The following MAP3K4 variants were observed in gnomAD, a reference collection of about 807,000 sequenced individuals.
The protein encoded by MAP3K4 is MAP three kinase 1.
Under a neutral mutation model 185.6 loss-of-function variants are expected in MAP3K4, and 67 were observed. The observed-to-expected ratio is 0.36, with a 90% CI of 0.30 to 0.44. The LOEUF (loss-of-function observed/expected upper bound fraction) is 0.44, where lower values mean the gene tolerates loss of function less well. MAP3K4 is among the 20% of genes least tolerant of loss of function. The pLI is 1.00. For missense variants in MAP3K4, 1,551 were observed against 1,995.1 expected (o/e 0.78, Z 4.24); for synonymous variants, 702 against 710.4 (o/e 0.99, Z 0.19).
In MAP3K4 at chr6:161,109,294, C is replaced by T. The variant is rs558212868; in HGVS notation, c.4236+435C>T. Among the ~76,000 whole-genome samples the T allele has an allele frequency of 6.6e-6, 1 of 152,036 alleles. No individual in the cohort carries two copies. Among genetic ancestry groups the T allele is most frequent in the South Asian group, 2.1e-4 (1 of 4,810 alleles). ...TCCTCCTTGTGTTTAGAAATAAACA[C>T]GTCGAGGGAAAGAGGATAACTTGGA... On this transcript the variant is annotated intron_variant, in intron 22 of 26. Coordinates refer to ENST00000392142, the MANE Select transcript of MAP3K4 (RefSeq NM_005922.4). This position sits in a 1 kb window ranked among gnomAD's most constrained non-coding sequence, Gnocchi z 5.7.
At chr6:161,040,322 G>A (rs1332595750) in intron 2 of MAP3K4, among the ~76,000 whole-genome samples, 1 of 152,140 alleles carries the variant, frequency 6.6e-6, no homozygotes, top group Non-Finnish European at 1.5e-5. Flanking sequence ...CATGGTGTGT[G>A]TGCAACCTAC....
At chr6:161,090,391 G>C (rs970336797) in intron 11 of MAP3K4, among the ~76,000 whole-genome samples, 1 of 152,024 alleles carries the variant, frequency 6.6e-6, no homozygotes, top group Non-Finnish European at 1.5e-5. Flanking sequence ...CTTGGATGTG[G>C]ACGTTTGGGC....
At position 161,108,086 on chromosome 6, in the gene MAP3K4, A is replaced by G; in HGVS notation, c.4119+117A>G. On this transcript the variant is annotated intron_variant, in intron 21 of 26. Coordinates refer to ENST00000392142, the MANE Select transcript of MAP3K4 (RefSeq NM_005922.4). This position sits in a 1 kb window ranked among gnomAD's most constrained non-coding sequence, Gnocchi z 5.7. ...GCGTAGAGCTGTCTTCAGCACCAGC[A>G]CTGCGACAGTCAGGACCAACCAGGC... 1.2e-6 allele frequency: 1 copy of G among 856,870 alleles called. No individual in the cohort carries two copies. The highest frequency in any genetic ancestry group is 1.8e-6 in the Non-Finnish European group (1 of 550,800). 53.1% of individuals were successfully genotyped at this position (856,870 alleles called of 1,614,324 possible). A position where few individuals can be genotyped will look rare whatever the true frequency, so the allele number is the denominator to read the frequency against.
rs183901984 is a variant in MAP3K4 at position 161,115,034 on chromosome 6, T to A, written c.4627-89T>A. On this transcript the variant is annotated intron_variant, in intron 25 of 26. Transcript: ENST00000392142. This position sits in a 1 kb window ranked among gnomAD's most constrained non-coding sequence, Gnocchi z 6.0. The stretch of plus-strand genomic sequence containing the variant: ...TTTGCTGTCCCCTGATATATATTAA[T>A]GATGAGATGCTTAAAAACAGACTGA... 3.3e-3 allele frequency: 3,953 copies of A among 1,200,224 alleles called. 18 individuals are homozygous for A. The highest frequency in any genetic ancestry group is 3.9e-3 in the Non-Finnish European group (3,260 of 844,018). 74.3% of individuals were successfully genotyped at this position (1,200,224 alleles called of 1,614,324 possible). A position where few individuals can be genotyped will look rare whatever the true frequency, so the allele number is the denominator to read the frequency against.
rs547506576 is a variant in MAP3K4 at position 161,021,754 on chromosome 6, T to A, written c.153-12505T>A. ...AGGAACAGTAATGTGTTTTTTCCTC[T>A]ACTCCTAGCACACCTCTTGTCTGGT... On this transcript the variant is annotated intron_variant, in intron 1 of 26. Transcript: ENST00000392142. Among the ~76,000 whole-genome samples, 486 of 152,374 alleles carry A rather than the reference T, an allele frequency of 3.2e-3. 4 individuals carry two copies. The highest frequency in any genetic ancestry group is 0.011 in the African/African-American group (466 of 41,590).
intron 3 of MAP3K4, among the ~76,000 whole-genome samples, chr6:161,069,790 A>G (rs1784857320): frequency 6.6e-6 from 1 of 151,968 alleles, no homozygotes; most frequent in African/African-American, 2.4e-5. Flanking sequence ...CTGGTGAGGA[A>G]TGATGGGGAG....
At chr6:161,000,459 G>T (rs1316470655) in intron 1 of MAP3K4, among the ~76,000 whole-genome samples, 1 of 152,208 alleles carries the variant, frequency 6.6e-6, no homozygotes, top group Admixed American at 6.5e-5. Context: ...GAGTAAGAAT[G>T]TATCTATGCT....
At chr6:160,998,411 A>C (rs151071881) in intron 1 of MAP3K4, among the ~76,000 whole-genome samples, 39 of 152,376 alleles carry the variant, frequency 2.6e-4, no homozygotes, top group Non-Finnish European at 5.0e-4. Context: ...AAAGCTAATC[A>C]GAGAGCCTAA....
chr6:161,003,107 T>A (rs1781405097), intron 1 of MAP3K4, among the ~76,000 whole-genome samples: 1 of 152,208 alleles, frequency 6.6e-6, no homozygotes. Flanking sequence ...TTTTGTGAAT[T>A]TTTCACTATT....
chr6:161,060,915 C>T (rs147720593), intron 3 of MAP3K4, among the ~76,000 whole-genome samples: 7 of 152,280 alleles, frequency 4.6e-5, no homozygotes, highest in Admixed American at 1.3e-4. Flanking sequence ...CCACCGCGCC[C>T]GGCCACTGAG....
At chr6:161,079,554 G>C (rs979353529) in intron 5 of MAP3K4, among the ~76,000 whole-genome samples, 1 of 152,204 alleles carries the variant, frequency 6.6e-6, no homozygotes, top group African/African-American at 2.4e-5. Flanking sequence ...TCCAGCCTGG[G>C]CAGCAAGAGG....
At chr6:160,995,906 T>C (rs570999045) in intron 1 of MAP3K4, among the ~76,000 whole-genome samples, 1 of 152,370 alleles carries the variant, frequency 6.6e-6, no homozygotes, top group East Asian at 1.9e-4. Context: ...ATAGCCTCAT[T>C]GTTCTCATTG....
rs572869329 is a variant in MAP3K4 at position 161,044,170 on chromosome 6, AC to A, written c.344-4445del. 5.5e-4 allele frequency among the ~76,000 whole-genome samples: 84 copies of A among 152,334 alleles called. No individual in the cohort carries two copies. The South Asian group carries it at 0.017, about 31-fold the overall frequency. ...TCCAGAGGTTTGCTTTAATTGTGCTACAAAAATCACACCATTTCATTTATAG... is the reference window on the plus strand; with the variant it reads ...TCCAGAGGTTTGCTTTAATTGTGCTAAAAAATCACACCATTTCATTTATAG... On this transcript the variant is annotated intron_variant, in intron 2 of 26. Transcript: ENST00000392142.
intron 19 of MAP3K4, among the ~76,000 whole-genome samples, chr6:161,104,584 G>A (rs1017391994): frequency 5.9e-5 from 9 of 151,330 alleles, no homozygotes; most frequent in African/African-American, 1.7e-4. Flanking sequence ...GGTGGTGCGC[G>A]CCTGTAGTCC....
At chr6:160,992,175 A>G (rs1337536861) in intron 1 of MAP3K4, 92 bp downstream of exon 1, 2 of 1,397,484 alleles carry the variant, frequency 1.4e-6, no homozygotes, top group South Asian at 1.6e-5. Context: ...GCTTCCCGCC[A>G]GGTGGGGAGG....
chr6:161,026,329 G>C lies in MAP3K4; in HGVS notation c.153-7930G>C, dbSNP rs558904156. 1.4e-4 allele frequency among the ~76,000 whole-genome samples: 22 copies of C among 152,124 alleles called. No homozygotes were observed. The South Asian group carries it at 4.6e-3, about 32-fold the overall frequency. On this transcript the variant is annotated intron_variant, in intron 1 of 26. Coordinates refer to ENST00000392142, the MANE Select transcript of MAP3K4 (RefSeq NM_005922.4). ...TTTTTGTATGTTTAGTAAAGACGGG[G>C]TTTCACCATGTTAGCCAGGATGGTC... is the stretch of plus-strand genomic sequence containing the variant.
At chr6:161,050,750 C>A (rs1783966218) in intron 3 of MAP3K4, among the ~76,000 whole-genome samples, 1 of 152,208 alleles carries the variant, frequency 6.6e-6, no homozygotes, top group African/African-American at 2.4e-5. Context: ...CAAAATAGTA[C>A]TGTACAAGTG....
In MAP3K4 at chr6:161,017,560, T is replaced by A. The variant is rs1183597907; in HGVS notation, c.153-16699T>A. Among the ~76,000 whole-genome samples, 1 of 152,182 alleles carries A rather than the reference T, an allele frequency of 6.6e-6. No individual in the cohort carries two copies. Among genetic ancestry groups the A allele is most frequent in the Non-Finnish European group, 1.5e-5 (1 of 68,024 alleles). On this transcript the variant is annotated intron_variant, in intron 1 of 26. Coordinates refer to ENST00000392142, the MANE Select transcript of MAP3K4 (RefSeq NM_005922.4). This position sits in a 1 kb window ranked among gnomAD's most constrained non-coding sequence, Gnocchi z 5.1. ...GCCTAAAAATTAGGTCCACAAAAAA[T>A]CTTTGTGATCTTTTGTAAGTTATAG... is the stretch of plus-strand genomic sequence containing the variant.
chr6:161,033,832 C>T (rs2115166946), intron 1 of MAP3K4, among the ~76,000 whole-genome samples: 2 of 152,294 alleles, frequency 1.3e-5, no homozygotes, highest in Non-Finnish European at 2.9e-5. Context: ...AAGTTCAGAG[C>T]AGGACTGAAC....
Sources: gnomAD v4.1 joint callset for allele counts (sites outside exome capture counted in the v4.1 genomes callset) on GRCh38, gnomAD v4.1.1 for gene constraint, Gnocchi (gnomAD v3.1) non-coding constraint, MANE v1.5 for transcripts, NCBI Gene and HGNC (gene_info 2026-07-23, HGNC 2026-07-21) for gene names.